ADGRV1: variants seen among roughly 807,000 people sequenced by gnomAD.
ADGRV1 encodes adhesion G protein-coupled receptor V1.
Under a neutral mutation model 596.2 loss-of-function variants are expected in ADGRV1, and 359 were observed. The ratio of observed to expected loss-of-function variants is 0.60; its 90% confidence interval spans 0.55 to 0.66. The LOEUF is 0.66. ADGRV1 is among the 30% of genes least tolerant of loss of function. ADGRV1 has a pLI of 0.00. For missense variants in ADGRV1, 7,274 were observed against 7,575.6 expected (o/e 0.96, Z 1.48); for synonymous variants, 2,681 against 2,679.2 (o/e 1.00, Z -0.02).
At chr5:90,659,347 T>C (rs575608996) in intron 21 of ADGRV1, among the ~76,000 whole-genome samples, 1 of 152,358 alleles carries the variant, frequency 6.6e-6, no homozygotes, top group African/African-American at 2.4e-5. Flanking sequence ...ATAGGTGCGT[T>C]ATTAACCAGT....
chr5:90,668,536 G>A (rs1226720069), intron 21 of ADGRV1, among the ~76,000 whole-genome samples: 1 of 151,984 alleles, frequency 6.6e-6, no homozygotes, highest in South Asian at 2.1e-4. Flanking sequence ...GATGAACCTG[G>A]TACCTCTGAT....
chr5:90,686,102 C>T, intron 29 of ADGRV1, 107 bp downstream of exon 29: 1 of 502,300 alleles, frequency 2.0e-6, no homozygotes, highest in Non-Finnish European at 3.1e-6. Flanking sequence ...GGATAATCAA[C>T]TAGAAAACTA....
intron 83 of ADGRV1, among the ~76,000 whole-genome samples, chr5:90,875,016 A>C (rs910770574): frequency 6.6e-6 from 1 of 152,180 alleles, no homozygotes; most frequent in African/African-American, 2.4e-5. Flanking sequence ...TCAATTCCTT[A>C]AAGCAAAACA....
rs1201925329 is a variant in ADGRV1, at chr5:90,642,946, A to G, written c.2458A>G (p.Asn820Asp). Residue 820 changes from asparagine (N) to aspartate (D), a missense_variant, in exon 13 of 90, where the codon AAT becomes GAT. Physicochemically the swap from Asn to Asp is conservative, Grantham distance 23. This residue lies in a region of ADGRV1 where 1,715 missense variants were observed against 1,708.8 expected (regional missense o/e 1.00). Transcript: ENST00000405460. ...LHYRVEPRDS[N>D]EFYGNTGVLE... is the part of the protein sequence containing the mutation. ...CTACCGAGTAGAGCCAAGAGATAGC[A>G]ATGAATTCTATGGAAACACGGGAGT... 1 of 1,613,624 alleles carries G rather than the reference A, an allele frequency of 6.2e-7. No homozygotes were observed. The highest frequency in any genetic ancestry group is 1.3e-5 in the African/African-American group (1 of 75,022).
At chr5:90,994,183 C>T (rs1273116192) in intron 85 of ADGRV1, among the ~76,000 whole-genome samples, 1 of 152,018 alleles carries the variant, frequency 6.6e-6, no homozygotes, top group Non-Finnish European at 1.5e-5. Flanking sequence ...CTGCCTCCGC[C>T]TCCCAAGTAG....
At chr5:90,768,588 G>A (rs1757381383) in intron 59 of ADGRV1, among the ~76,000 whole-genome samples, 1 of 152,180 alleles carries the variant, frequency 6.6e-6, no homozygotes, top group Non-Finnish European at 1.5e-5. Context: ...ATGTAGCAGT[G>A]ACTGTGGAGT....
chr5:90,900,346 T>TA (rs781481036), intron 83 of ADGRV1, among the ~76,000 whole-genome samples: 2 of 151,072 alleles, frequency 1.3e-5, no homozygotes, highest in East Asian at 3.9e-4. Flanking sequence ...TTTTTTTTTT[T>TA]AAATCTAGAT....
At position 90,577,882 on chromosome 5, in the gene ADGRV1, G is replaced by A. The variant is rs560563394; in HGVS notation, c.22+18965G>A. Among the ~76,000 whole-genome samples the A allele has an allele frequency of 2.6e-5, 4 of 152,248 alleles. No homozygotes were observed. The East Asian group carries it at 5.8e-4, about 22-fold the overall frequency. On this transcript the variant is annotated intron_variant, in intron 1 of 89. Transcript: ENST00000405460. Reference sequence around the variant, plus strand: ...GTATTTTATTCTCTTTGTAGTAACTGTGAATGGGAATTCACTCATGATTTG... The same window carrying A: ...GTATTTTATTCTCTTTGTAGTAACTATGAATGGGAATTCACTCATGATTTG...
intron 83 of ADGRV1, among the ~76,000 whole-genome samples, chr5:90,927,893 C>T (rs1182623112): frequency 2.0e-5 from 3 of 152,036 alleles, no homozygotes; most frequent in Admixed American, 2.0e-4. Flanking sequence ...ACTTATGAAG[C>T]GTAGTTTGGC....
chr5:90,828,231 A>G (rs1244650665), intron 76 of ADGRV1, among the ~76,000 whole-genome samples: 1 of 152,150 alleles, frequency 6.6e-6, no homozygotes, highest in Non-Finnish European at 1.5e-5. Flanking sequence ...AAATTTTGAA[A>G]AATACATAAA....
At chr5:90,991,014 C>A (rs17571029) in intron 85 of ADGRV1, among the ~76,000 whole-genome samples, 1 of 151,888 alleles carries the variant, frequency 6.6e-6, no homozygotes, top group Non-Finnish European at 1.5e-5. Context: ...GGAATGTGGT[C>A]CTGAGGAATG....
chr5:90,900,980 G>C (rs1771784806), intron 83 of ADGRV1, among the ~76,000 whole-genome samples: 1 of 151,956 alleles, frequency 6.6e-6, no homozygotes, highest in South Asian at 2.1e-4. Flanking sequence ...TTTTTGTCCT[G>C]TAGAATTTTA....
At chr5:90,561,947 CT>C (rs11326052) in intron 1 of ADGRV1, among the ~76,000 whole-genome samples, 9,583 of 152,018 alleles carry the variant, frequency 0.063, 888 homozygotes, top group African/African-American at 0.21. Flanking sequence ...TTGGAAATAA[CT>C]TTTTTTTCTG....
At chr5:91,021,381 C>T (rs904123425) in intron 85 of ADGRV1, among the ~76,000 whole-genome samples, 5 of 152,012 alleles carry the variant, frequency 3.3e-5, no homozygotes, top group African/African-American at 9.7e-5. Context: ...AATTTCCTCA[C>T]GATGTTGTAT....
intron 86 of ADGRV1, among the ~76,000 whole-genome samples, chr5:91,094,533 A>G (rs1039975271): frequency 2.0e-5 from 3 of 152,070 alleles, no homozygotes; most frequent in African/African-American, 7.2e-5. Context: ...AGACAGCTCT[A>G]CCTACGAAGC....
chr5:91,118,059 C>T (rs1793005289), intron 87 of ADGRV1, among the ~76,000 whole-genome samples: 1 of 152,072 alleles, frequency 6.6e-6, no homozygotes, highest in Non-Finnish European at 1.5e-5. Flanking sequence ...GATAAGTTCA[C>T]AGGAATATCT....
chr5:90,961,764 CAG>C (rs1778051641), intron 83 of ADGRV1, among the ~76,000 whole-genome samples: 1 of 152,090 alleles, frequency 6.6e-6, no homozygotes, highest in South Asian at 2.1e-4. Context: ...TCAGAATAAG[CAG>C]AGAATTTTAT....
chr5:90,919,241 A>T (rs1226352144), intron 83 of ADGRV1, among the ~76,000 whole-genome samples: 1 of 152,206 alleles, frequency 6.6e-6, no homozygotes, highest in East Asian at 1.9e-4. Context: ...TACTGTTCCT[A>T]TCTCATATAT....
intron 1 of ADGRV1, among the ~76,000 whole-genome samples, chr5:90,593,181 G>T (rs541501112): frequency 3.5e-4 from 54 of 152,272 alleles, no homozygotes; most frequent in African/African-American, 1.2e-3. Context: ...GTTCACAATA[G>T]CAAAGACTTG....
Sources: allele counts gnomAD v4.1 joint callset (sites outside exome capture counted in the v4.1 genomes callset), GRCh38; gene constraint gnomAD v4.1.1; regional missense constraint gnomAD v4.1.1; transcripts MANE v1.5; gene names NCBI Gene and HGNC (gene_info 2026-07-23, HGNC 2026-07-21).